The following PITPNC1 variants were observed in gnomAD, a reference collection of about 807,000 sequenced individuals.
PITPNC1 encodes cytoplasmic phosphatidylinositol transfer protein 1.
A neutral mutation model predicts 44.7 loss-of-function variants in PITPNC1; 18 were observed. The observed-to-expected ratio is 0.40, with a 90% CI of 0.28 to 0.60. The LOEUF is 0.60. Among genes scored for constraint, PITPNC1 ranks in the 20% least tolerant of loss-of-function variants. The pLI is 0.39. For synonymous variants in PITPNC1, 141 were observed against 149.6 expected (o/e 0.94, Z 0.42); for missense variants, 290 against 418.4 (o/e 0.69, Z 2.68).
intron 6 of PITPNC1, among the ~76,000 whole-genome samples, chr17:67,648,800 C>G (rs2042178562): frequency 6.6e-6 from 1 of 152,108 alleles, no homozygotes; most frequent in African/African-American, 2.4e-5. Context: ...TGCCTCACCC[C>G]AATCCCATGT....
intron 1 of PITPNC1, among the ~76,000 whole-genome samples, chr17:67,382,540 T>C (rs949127506): frequency 2.0e-5 from 3 of 152,200 alleles, no homozygotes; most frequent in Non-Finnish European, 4.4e-5. Context: ...TCCTGAGAGC[T>C]GAGAGTTGCT....
chr17:67,406,027 C>A (rs551893310), intron 1 of PITPNC1, among the ~76,000 whole-genome samples: 19 of 152,296 alleles, frequency 1.2e-4, no homozygotes, highest in African/African-American at 4.6e-4. Flanking sequence ...AAAGAGATAT[C>A]ATTCACATGC....
intron 1 of PITPNC1, among the ~76,000 whole-genome samples, chr17:67,464,073 A>G (rs1192857411): frequency 6.6e-6 from 1 of 151,960 alleles, no homozygotes; most frequent in Non-Finnish European, 1.5e-5. Context: ...CGTGCCTGTA[A>G]TCCCAGCTAT....
At chr17:67,622,270 A>AAAAG (rs1555573464) in intron 5 of PITPNC1, among the ~76,000 whole-genome samples, 25 of 151,116 alleles carry the variant, frequency 1.7e-4, no homozygotes, top group African/African-American at 6.1e-4. Context: ...AAAAAAAAAA[A>AAAAG]AAAGAAAAGA....
chr17:67,550,966 C>T (rs1234874383), intron 2 of PITPNC1, among the ~76,000 whole-genome samples: 1 of 152,100 alleles, frequency 6.6e-6, no homozygotes, highest in Non-Finnish European at 1.5e-5. Flanking sequence ...GAGGCTGAGG[C>T]AGGAGAATGG....
chr17:67,424,404 C>T (rs2038714899), intron 1 of PITPNC1, among the ~76,000 whole-genome samples: 1 of 152,074 alleles, frequency 6.6e-6, no homozygotes, highest in Non-Finnish European at 1.5e-5. Flanking sequence ...CTCCTGTAAT[C>T]CCAGCACTTT....
At chr17:67,379,171 C>A (rs753207197) in intron 1 of PITPNC1, 3 of 985,708 alleles carry the variant, frequency 3.0e-6, no homozygotes, top group South Asian at 9.4e-5. Context: ...AGCAAGGCAA[C>A]GTGAAACTCA....
intron 5 of PITPNC1, among the ~76,000 whole-genome samples, chr17:67,606,376 A>G (rs771951700): frequency 6.6e-6 from 1 of 152,094 alleles, no homozygotes; most frequent in Non-Finnish European, 1.5e-5. Context: ...CCCTTTTTTT[A>G]CCCAGACCCA....
At chr17:67,637,890 G>C (rs995373705) in intron 6 of PITPNC1, 3 of 151,984 alleles carry the variant, frequency 2.0e-5, no homozygotes, top group African/African-American at 7.3e-5. Context: ...GGAGGAATTA[G>C]TGTGATTTTT....
At chr17:67,657,630 A>T (rs75214425) in intron 6 of PITPNC1, among the ~76,000 whole-genome samples, 1 of 150,702 alleles carries the variant, frequency 6.6e-6, no homozygotes, top group South Asian at 2.1e-4. Flanking sequence ...CCAAATTACC[A>T]CTTTCAGCTT....
At chr17:67,518,878 G>A (rs1485587695) in intron 1 of PITPNC1, among the ~76,000 whole-genome samples, 1 of 152,164 alleles carries the variant, frequency 6.6e-6, no homozygotes, top group Non-Finnish European at 1.5e-5. Flanking sequence ...AGGAGTTTGA[G>A]GCTGCAGTGA....
Position 67,597,178 on chromosome 17 carries a change from G to A in PITPNC1, c.366+18921G>A, listed in dbSNP as rs561958314. On this transcript the variant is annotated intron_variant, in intron 5 of 8. Transcript: ENST00000581322. This position sits in a 1 kb window ranked among gnomAD's most constrained non-coding sequence, Gnocchi z 4.0. ...CAAACTGCTGGGATTATAGGCATGAGCCACCATGCCTGGCCCCAAATAATT... is the reference window on the plus strand; with the variant it reads ...CAAACTGCTGGGATTATAGGCATGAACCACCATGCCTGGCCCCAAATAATT... Among the ~76,000 whole-genome samples the A allele has an allele frequency of 2.1e-4, 32 of 152,230 alleles. No individual in the cohort carries two copies. The highest frequency in any genetic ancestry group is 7.5e-4 in the African/African-American group (31 of 41,548).
chr17:67,614,290 T>G (rs1314244100), intron 5 of PITPNC1, among the ~76,000 whole-genome samples: 1 of 151,932 alleles, frequency 6.6e-6, no homozygotes, highest in African/African-American at 2.4e-5. Context: ...GAATCACAGA[T>G]GAGATTCCAG....
chr17:67,401,657 A>C (rs1431340122), intron 1 of PITPNC1, among the ~76,000 whole-genome samples: 2 of 152,050 alleles, frequency 1.3e-5, no homozygotes, highest in Non-Finnish European at 2.9e-5. Context: ...CAGCCTGGCC[A>C]AGATGGTGAA....
chr17:67,672,526 G>A (rs2042532505), intron 7 of PITPNC1, among the ~76,000 whole-genome samples: 1 of 151,766 alleles, frequency 6.6e-6, no homozygotes, highest in Non-Finnish European at 1.5e-5. Context: ...TTGAACCCAG[G>A]AAGTAGAGGT....
chr17:67,583,865 T>TG lies in PITPNC1; in HGVS notation c.366+5608_366+5609insG, dbSNP rs1568051977. On this transcript the variant is annotated intron_variant, in intron 5 of 8. Coordinates refer to ENST00000581322, the MANE Select transcript of PITPNC1 (RefSeq NM_012417.4). ...CGCCCGCCACCACGCCTGGCTAATT[T>TG]TGTGTGTGTGTGTGTGTGTGTGTGT... Among the ~76,000 whole-genome samples, 796 of 118,354 alleles carry TG rather than the reference T, an allele frequency of 6.7e-3. 9 individuals carry two copies. The highest frequency in any genetic ancestry group is 0.018 in the Middle Eastern group (4 of 222). The allele number at this position is 118,354 out of a possible 152,430, so 77.6% of individuals were successfully genotyped here. A position where few individuals can be genotyped will look rare whatever the true frequency, so the allele number is the denominator to read the frequency against.
chr17:67,527,468 G>A (rs1436824662), intron 1 of PITPNC1, among the ~76,000 whole-genome samples: 4 of 152,222 alleles, frequency 2.6e-5, no homozygotes, highest in Non-Finnish European at 5.9e-5. Context: ...ACTTTGGGAG[G>A]CCGAGGCGGA....
intron 8 of PITPNC1, among the ~76,000 whole-genome samples, chr17:67,687,882 A>G (rs1452600321): frequency 2.0e-5 from 3 of 152,178 alleles, no homozygotes; most frequent in East Asian, 1.9e-4. Context: ...TCTCTCAATC[A>G]TTCATGCTAA....
Position 67,696,063 on chromosome 17 carries a change from A to C in PITPNC1, c.*3175A>C, listed in dbSNP as rs1167055008. ...GGTTTGTTGGTGAACTGATTTATCA[A>C]GGCTTCTGTTACGGTTTTGCATCTG... is the stretch of plus-strand genomic sequence containing the variant. On this transcript the variant is annotated 3_prime_UTR_variant, in exon 9 of 9. Transcript: ENST00000581322. 6.6e-6 allele frequency: 1 copy of C among 152,192 alleles called. No homozygotes were observed. Among genetic ancestry groups the C allele is most frequent in the Non-Finnish European group, 1.5e-5 (1 of 68,032 alleles). The allele number at this position is 152,192 out of a possible 1,614,324, so 9.4% of individuals were successfully genotyped here.
Sources: allele counts gnomAD v4.1 joint callset (sites outside exome capture counted in the v4.1 genomes callset), GRCh38; gene constraint gnomAD v4.1.1; non-coding constraint Gnocchi (gnomAD v3.1); transcripts MANE v1.5; gene names NCBI Gene and HGNC (gene_info 2026-07-23, HGNC 2026-07-21).